The following XKR9 variants were observed in gnomAD, a reference collection of about 807,000 sequenced individuals.
XKR9 encodes XK related 9.
XKR9 carries 32 observed loss-of-function variants against 32.0 expected under a neutral mutation model. The ratio of observed to expected loss-of-function variants is 1.00; its 90% CI spans 0.76 to 1.34. The LOEUF (loss-of-function observed/expected upper bound fraction) is 1.34, where lower values mean the gene tolerates loss of function less well. Ranked by LOEUF, XKR9 falls within the 40% of genes most tolerant of loss-of-function variation. The pLI, the probability that XKR9 is intolerant of heterozygous loss-of-function variation, is 0.00. For synonymous variants in XKR9, 168 were observed against 143.4 expected, an observed-to-expected ratio of 1.17 and a Z score of -1.22; for missense variants, 546 against 429.7, an observed-to-expected ratio of 1.27 and a Z score of -2.39.
the XKR9 span, among the ~76,000 whole-genome samples, chr8:70,928,921 A>G: frequency 6.6e-6 from 1 of 152,212 alleles, no homozygotes; most frequent in African/African-American, 2.4e-5. Context: ...ACACCATTTC[A>G]CAAATTGATT....
chr8:70,714,266 T>G (rs940725236), intron 4 of XKR9, among the ~76,000 whole-genome samples: 8 of 152,106 alleles, frequency 5.3e-5, no homozygotes, highest in African/African-American at 1.9e-4. Flanking sequence ...GTATGAATTT[T>G]GGGGATACGC....
intron 3 of XKR9, among the ~76,000 whole-genome samples, chr8:70,695,170 T>A (rs67705199): frequency 0.52 from 75,759 of 145,080 alleles, 20,649 homozygotes; most frequent in Middle Eastern, 0.61. Flanking sequence ...TTTAAAAAAA[T>A]TTTTTTTTAT....
the XKR9 span, among the ~76,000 whole-genome samples, chr8:71,022,391 T>C: frequency 6.6e-6 from 1 of 152,192 alleles, no homozygotes; most frequent in Admixed American, 6.5e-5. Context: ...ATAGTTTTTC[T>C]GGGTATAGTA....
At chr8:70,846,976 C>T in the XKR9 span, among the ~76,000 whole-genome samples, 3 of 152,008 alleles carry the variant, frequency 2.0e-5, no homozygotes, top group Non-Finnish European at 4.4e-5. Flanking sequence ...TTTAACTGTA[C>T]TTTACACCAA....
the XKR9 span, among the ~76,000 whole-genome samples, chr8:70,939,326 CA>C: frequency 1.1e-4 from 16 of 152,004 alleles, no homozygotes; most frequent in Non-Finnish European, 1.9e-4. Flanking sequence ...TTTATGGAGC[CA>C]AAAGGAGCTT....
chr8:70,732,041 A>C lies in XKR9; in HGVS notation c.494-1755A>C, dbSNP rs563937930. Among the ~76,000 whole-genome samples, 32 of 152,290 alleles carry C rather than the reference A, an allele frequency of 2.1e-4. 1 individual carries two copies. In the South Asian group the frequency reaches 6.6e-3, roughly 32 times the overall value. On this transcript the variant is annotated intron_variant, in intron 4 of 4. Transcript: ENST00000408926. ...GACTTCCTACTAGTTAGGGAGAGCC[A>C]ACCACGACTCCCAGGAGCTGAACTG...
intron 2 of XKR9, among the ~76,000 whole-genome samples, chr8:70,767,496 CTTT>C (rs34400671): frequency 1.5e-3 from 153 of 99,340 alleles, no homozygotes; most frequent in African/African-American, 4.4e-3. Context: ...TCTTTTCCTT[CTTT>C]TTTTTTTTTT....
chr8:70,867,173 CAA>C, the XKR9 span, among the ~76,000 whole-genome samples: 2 of 152,240 alleles, frequency 1.3e-5, no homozygotes, highest in East Asian at 3.9e-4. Flanking sequence ...TGGCAGCAGG[CAA>C]AGAGAAGAGA....
At chr8:70,730,528 G>A (rs1324107173) in intron 4 of XKR9, among the ~76,000 whole-genome samples, 2 of 151,850 alleles carry the variant, frequency 1.3e-5, no homozygotes, top group Non-Finnish European at 2.9e-5. Context: ...TTTAACTAAG[G>A]TTATAAGTTA....
chr8:70,952,580 TAG>T, the XKR9 span, among the ~76,000 whole-genome samples: 2 of 152,132 alleles, frequency 1.3e-5, no homozygotes, highest in East Asian at 3.9e-4. Flanking sequence ...TGAGAAATAA[TAG>T]AGAGAAGAGG....
chr8:70,886,048 AC>A, the XKR9 span, among the ~76,000 whole-genome samples: 7 of 151,616 alleles, frequency 4.6e-5, no homozygotes, highest in East Asian at 5.8e-4. Flanking sequence ...CTAGTCCCCT[AC>A]CCCCGCACAG....
At chr8:70,684,999 A>G (rs1158305993) in intron 3 of XKR9, among the ~76,000 whole-genome samples, 2 of 146,558 alleles carry the variant, frequency 1.4e-5, no homozygotes, top group African/African-American at 5.0e-5. Context: ...TACTGGGTAT[A>G]TACCCAAAGG....
intron 1 of XKR9, among the ~76,000 whole-genome samples, chr8:70,673,935 T>C (rs1465350689): frequency 1.3e-5 from 2 of 152,182 alleles, no homozygotes; most frequent in Admixed American, 1.3e-4. Context: ...TGTAGACATA[T>C]TGAGGGCATG....
the XKR9 span, among the ~76,000 whole-genome samples, chr8:70,904,313 A>G: frequency 6.6e-6 from 1 of 152,142 alleles, no homozygotes; most frequent in Non-Finnish European, 1.5e-5. Flanking sequence ...TATTGGGTGC[A>G]TGTATATTTG....
chr8:70,999,537 T>G, the XKR9 span, among the ~76,000 whole-genome samples: 1 of 152,132 alleles, frequency 6.6e-6, no homozygotes, highest in African/African-American at 2.4e-5. Context: ...CTAGCAGAAA[T>G]AAAGGACAGA....
intron 3 of XKR9, among the ~76,000 whole-genome samples, chr8:70,688,736 G>T (rs1267744969): frequency 5.5e-4 from 79 of 144,692 alleles, no homozygotes; most frequent in Middle Eastern, 3.5e-3. Flanking sequence ...TTTTGAAATT[G>T]ATTGGAAAAA....
intron 2 of XKR9, among the ~76,000 whole-genome samples, chr8:70,676,677 T>C (rs1317998714): frequency 6.6e-6 from 1 of 152,224 alleles, no homozygotes; most frequent in African/African-American, 2.4e-5. Flanking sequence ...TTTCTGTTTC[T>C]TGGAAATTAT....
intron 2 of XKR9, chr8:70,781,036 A>G (rs954623439): frequency 6.6e-6 from 1 of 152,008 alleles, no homozygotes; most frequent in African/African-American, 2.4e-5. Context: ...CCTCGGACCA[A>G]CGATTCTCTT....
At chr8:70,874,073 A>G in the XKR9 span, among the ~76,000 whole-genome samples, 1 of 152,186 alleles carries the variant, frequency 6.6e-6, no homozygotes, top group Non-Finnish European at 1.5e-5. Flanking sequence ...AAATATTTTT[A>G]AATTAAGGTA....
Sources: gnomAD v4.1 joint callset for allele counts (sites outside exome capture counted in the v4.1 genomes callset) on GRCh38, gnomAD v4.1.1 for gene constraint, MANE v1.5 for transcripts, NCBI Gene and HGNC (gene_info 2026-07-23, HGNC 2026-07-21) for gene names.